The following GPATCH2 variants were observed in gnomAD, a reference collection of about 807,000 sequenced individuals.
GPATCH2 encodes G patch domain-containing protein 2.
GPATCH2 carries 51 observed loss-of-function variants against 58.0 expected under a neutral mutation model. The observed-to-expected ratio is 0.88, with a 90% confidence interval of 0.70 to 1.11. The LOEUF (loss-of-function observed/expected upper bound fraction) is 1.11. GPATCH2 is among the 50% of genes most tolerant of loss of function. GPATCH2 has a pLI of 0.00. For synonymous variants in GPATCH2, 222 were observed against 218.5 expected (o/e 1.02, Z -0.14); for missense variants, 625 against 652.2 (o/e 0.96, Z 0.45).
intron 5 of GPATCH2, among the ~76,000 whole-genome samples, chr1:217,573,609 C>T (rs1666667881): frequency 6.6e-6 from 1 of 152,104 alleles, no homozygotes; most frequent in Admixed American, 6.5e-5. Context: ...ATAACAACTG[C>T]TTTCTAAATT....
intron 6 of GPATCH2, 146 bp downstream of exon 6, chr1:217,514,676 T>A: frequency 2.1e-6 from 1 of 468,216 alleles, no homozygotes; most frequent in African/African-American, 1.9e-5. Flanking sequence ...GTTTAAGTTG[T>A]TCTTACATTA....
chr1:217,449,816 C>T (rs1659576345), intron 8 of GPATCH2, among the ~76,000 whole-genome samples: 1 of 152,108 alleles, frequency 6.6e-6, no homozygotes, highest in South Asian at 2.1e-4. Context: ...AATAGTGATG[C>T]TTCCCTTATA....
At chr1:217,489,011 G>C (rs1661588999) in intron 8 of GPATCH2, among the ~76,000 whole-genome samples, 1 of 151,448 alleles carries the variant, frequency 6.6e-6, no homozygotes, top group Admixed American at 6.6e-5. Context: ...TTACTGATCT[G>C]TGTGTGTGTG....
intron 5 of GPATCH2, among the ~76,000 whole-genome samples, chr1:217,524,196 C>T (rs1423003056): frequency 2.2e-5 from 3 of 134,176 alleles, no homozygotes; most frequent in Non-Finnish European, 3.2e-5. Flanking sequence ...GGCTGCTGGG[C>T]GGAGGGGCTC....
At chr1:217,524,344 G>A (rs1400620721) in intron 5 of GPATCH2, among the ~76,000 whole-genome samples, 37 of 151,320 alleles carry the variant, frequency 2.4e-4, no homozygotes, top group Middle Eastern at 3.4e-3. Flanking sequence ...AGATGGGATG[G>A]CGGCTGGGCA....
At chr1:217,479,275 A>G (rs550068946) in intron 8 of GPATCH2, among the ~76,000 whole-genome samples, 3 of 152,212 alleles carry the variant, frequency 2.0e-5, no homozygotes, top group Non-Finnish European at 4.4e-5. Flanking sequence ...CTACTCAAGT[A>G]GAAAGACTAA....
chr1:217,434,180 A>T (rs1231690970), intron 9 of GPATCH2, among the ~76,000 whole-genome samples: 1 of 152,198 alleles, frequency 6.6e-6, no homozygotes, highest in Non-Finnish European at 1.5e-5. Context: ...GCAACACCCA[A>T]CAATGTCAAA....
chr1:217,530,605 G>A (rs1664140040), intron 5 of GPATCH2, among the ~76,000 whole-genome samples: 2 of 152,126 alleles, frequency 1.3e-5, no homozygotes, highest in East Asian at 1.9e-4. Context: ...ATTTATTGGG[G>A]CCATCACCAC....
At chr1:217,611,304 A>G (rs1375583129) in intron 3 of GPATCH2, among the ~76,000 whole-genome samples, 1 of 152,152 alleles carries the variant, frequency 6.6e-6, no homozygotes, top group African/African-American at 2.4e-5. Flanking sequence ...TTTACCTACA[A>G]TTTAAATGTA....
At position 217,427,466 on chromosome 1, in the gene GPATCH2, A is replaced by G. The variant is rs1265349821; in HGVS notation, c.*3679T>C. ...ATTTTTAAAGTACTTTCAACTTTTA[A>G]AAAATAACTCTAAGGTAAAAGGGAA... is the stretch of plus-strand genomic sequence containing the variant. On this transcript the variant is annotated 3_prime_UTR_variant, in exon 10 of 10. Transcript: ENST00000366935. 3 of 152,152 alleles carry G rather than the reference A, an allele frequency of 2.0e-5. No individual in the cohort carries two copies. The highest frequency in any genetic ancestry group is 7.2e-5 in the African/African-American group (3 of 41,442). The allele number at this position is 152,152 out of a possible 1,614,324, so 9.4% of individuals were successfully genotyped here.
chr1:217,545,729 T>C (rs1193545852), intron 5 of GPATCH2, among the ~76,000 whole-genome samples: 3 of 152,146 alleles, frequency 2.0e-5, no homozygotes, highest in Non-Finnish European at 4.4e-5. Flanking sequence ...GAGGTCAAAC[T>C]GGGATGATGA....
At chr1:217,448,346 A>G (rs1343437555) in intron 9 of GPATCH2, among the ~76,000 whole-genome samples, 1 of 152,032 alleles carries the variant, frequency 6.6e-6, no homozygotes, top group Non-Finnish European at 1.5e-5. Context: ...ATCCCAGACA[A>G]TAGGTCAAGG....
intron 8 of GPATCH2, among the ~76,000 whole-genome samples, chr1:217,479,304 AT>A (rs1200722204): frequency 6.6e-6 from 1 of 152,226 alleles, no homozygotes; most frequent in Non-Finnish European, 1.5e-5. Context: ...TGAATAAAAA[AT>A]AATAACTACA....
At chr1:217,482,846 T>A (rs998234460) in intron 8 of GPATCH2, among the ~76,000 whole-genome samples, 1 of 152,280 alleles carries the variant, frequency 6.6e-6, no homozygotes, top group Middle Eastern at 3.4e-3. Flanking sequence ...ATCAAGATAA[T>A]GAACATATCT....
intron 5 of GPATCH2, among the ~76,000 whole-genome samples, chr1:217,523,724 G>A (rs1004609041): frequency 6.7e-6 from 1 of 149,944 alleles, no homozygotes; most frequent in Non-Finnish European, 1.5e-5. Flanking sequence ...CGGGCAGAGG[G>A]GCTCCTCACT....
intron 6 of GPATCH2, 84 bp downstream of exon 6, chr1:217,514,738 G>T: frequency 1.6e-6 from 1 of 625,638 alleles, no homozygotes; most frequent in Non-Finnish European, 3.0e-6. Context: ...AATTAAATAA[G>T]CTTTACTAGT....
chr1:217,534,163 C>G (rs770801451), intron 5 of GPATCH2, among the ~76,000 whole-genome samples: 1 of 152,030 alleles, frequency 6.6e-6, no homozygotes, highest in Non-Finnish European at 1.5e-5. Context: ...TTGCAGTGAG[C>G]CAAGATCACG....
At chr1:217,452,306 A>C (rs1659703849) in intron 8 of GPATCH2, among the ~76,000 whole-genome samples, 1 of 152,208 alleles carries the variant, frequency 6.6e-6, no homozygotes, top group Non-Finnish European at 1.5e-5. Context: ...AATATCAATA[A>C]AAATTTTAAA....
chr1:217,453,154 A>G (rs1399341101), intron 8 of GPATCH2, among the ~76,000 whole-genome samples: 1 of 152,232 alleles, frequency 6.6e-6, no homozygotes, highest in Non-Finnish European at 1.5e-5. Flanking sequence ...GTCTTTGCAA[A>G]GCAGAACATT....
Sources: allele counts gnomAD v4.1 joint callset (sites outside exome capture counted in the v4.1 genomes callset), GRCh38; gene constraint gnomAD v4.1.1; transcripts MANE v1.5; gene names NCBI Gene and HGNC (gene_info 2026-07-23, HGNC 2026-07-21).